The following SLC30A8 variants were observed in gnomAD, a reference collection of about 807,000 sequenced individuals.
SLC30A8 encodes solute carrier family 30 member 8, also known as proton-coupled zinc antiporter SLC30A8.
In SLC30A8, 27 loss-of-function variants were observed where a neutral mutation model predicts 36.9. The ratio of observed to expected loss-of-function variants is 0.73; its 90% CI spans 0.54 to 1.01. The LOEUF is 1.01. SLC30A8 is among the 50% of genes least tolerant of loss of function. SLC30A8 has a pLI of 0.00. For synonymous variants in SLC30A8, 164 were observed against 172.4 expected (o/e 0.95, Z 0.38); for missense variants, 439 against 452.0 (o/e 0.97, Z 0.26).
chr8:117,159,946 A>C (rs565946123), intron 4 of SLC30A8, among the ~76,000 whole-genome samples: 2 of 152,160 alleles, frequency 1.3e-5, no homozygotes, highest in Non-Finnish European at 1.5e-5. Flanking sequence ...TTAACATTGC[A>C]GGTGCTTTTT....
Position 116,996,643 on chromosome 8 carries a change from C to T in SLC30A8, c.-265-42576C>T, listed in dbSNP as rs150106784. Among the ~76,000 whole-genome samples the T allele has an allele frequency of 1.2e-4, 19 of 152,238 alleles. No homozygotes were observed. The East Asian group carries it at 3.5e-3, about 28-fold the overall frequency. On this transcript the variant is annotated intron_variant, in intron 1 of 10. Coordinates refer to the SLC30A8 transcript ENST00000427715. ...GGCCAGACAGAGACCTTATTCTTAT[C>T]CCGTGTAGGGCTTATAGGTCATCAC...
In SLC30A8 at chr8:117,022,512, C is replaced by T. The variant is rs1586409961; in HGVS notation, c.-265-16707C>T. 2.0e-5 allele frequency among the ~76,000 whole-genome samples: 3 copies of T among 152,276 alleles called. No individual in the cohort carries two copies. The East Asian group carries it at 5.8e-4, about 29-fold the overall frequency. On this transcript the variant is annotated intron_variant, in intron 1 of 10. Coordinates refer to the SLC30A8 transcript ENST00000427715. Reference sequence around the variant, plus strand: ...TAAATTAGAAGGAGACAATCTCATACTGGTACCAAAACAGAGATATAGACC... The same window carrying T: ...TAAATTAGAAGGAGACAATCTCATATTGGTACCAAAACAGAGATATAGACC...
chr8:116,997,489 AAATT>A (rs1458971084), intron 1 of SLC30A8, among the ~76,000 whole-genome samples: 1 of 149,832 alleles, frequency 6.7e-6, no homozygotes, highest in Non-Finnish European at 1.5e-5. Flanking sequence ...AGCTATTAGA[AAATT>A]AAATCAGTTT....
At chr8:116,980,144 T>G (rs189563833) in intron 1 of SLC30A8, among the ~76,000 whole-genome samples, 1 of 152,344 alleles carries the variant, frequency 6.6e-6, no homozygotes, top group Admixed American at 6.5e-5. Context: ...CTGCTGAAAT[T>G]TCAAATAAGT....
At chr8:116,957,072 C>T (rs1814234786) in intron 1 of SLC30A8, among the ~76,000 whole-genome samples, 1 of 152,038 alleles carries the variant, frequency 6.6e-6, no homozygotes, top group African/African-American at 2.4e-5. Flanking sequence ...AAGAAAGACC[C>T]TGTCAGGGTA....
At position 117,147,057 on chromosome 8, in the gene SLC30A8, C is replaced by T. The variant is rs769900402; in HGVS notation, c.175C>T (p.Pro59Ser). Residue 59 changes from proline (P) to serine (S), a missense_variant, in exon 2 of 8, where the codon CCC becomes TCC. By Grantham distance (74) the Pro-to-Ser change is moderately conservative (BLOSUM62 -1). Transcript: ENST00000456015. ...GTACCACTGCCACAGTGGCTCCAAG[C>T]CCACAGAAAAGGGGGCGAATGAGTA... is the stretch of plus-strand genomic sequence containing the variant. ...GMYHCHSGSK[P>S]TEKGANEYAY... The T allele has an allele frequency of 6.2e-7, 1 of 1,614,138 alleles. No individual in the cohort carries two copies. Among genetic ancestry groups the T allele is most frequent in the Admixed American group, 1.7e-5 (1 of 60,018 alleles).
At chr8:117,101,590 T>C (rs1819724715) in intron 2 of SLC30A8, among the ~76,000 whole-genome samples, 1 of 152,190 alleles carries the variant, frequency 6.6e-6, no homozygotes, top group Non-Finnish European at 1.5e-5. Context: ...TGCAAAGTAT[T>C]GTACCTGGGT....
At chr8:116,956,594 A>G (rs1354783939) in intron 1 of SLC30A8, among the ~76,000 whole-genome samples, 1 of 152,220 alleles carries the variant, frequency 6.6e-6, no homozygotes, top group Non-Finnish European at 1.5e-5. Flanking sequence ...GTGTATATCT[A>G]TATAATAGAA....
chr8:117,171,892 A>C (rs1823404168), intron 7 of SLC30A8, among the ~76,000 whole-genome samples: 1 of 152,136 alleles, frequency 6.6e-6, no homozygotes, highest in Admixed American at 6.6e-5. Flanking sequence ...AGTGACAGTC[A>C]TTTGAAAACT....
At chr8:117,056,644 A>G (rs1378611904) in intron 2 of SLC30A8, among the ~76,000 whole-genome samples, 1 of 152,200 alleles carries the variant, frequency 6.6e-6, no homozygotes, top group Admixed American at 6.5e-5. Flanking sequence ...AAGCCTGGTC[A>G]AGGAGGGTGT....
At position 117,172,911 on chromosome 8, in the gene SLC30A8, G is replaced by A; in HGVS notation, c.*230G>A. On this transcript the variant is annotated 3_prime_UTR_variant, in exon 8 of 8. Coordinates refer to ENST00000456015, the MANE Select transcript of SLC30A8 (RefSeq NM_173851.3). ...TAGCTGTGTTCAATTGCAGGAATGT[G>A]TATATAGATTATTCCTGAGTGGAGC... 1 of 545,966 alleles carries A rather than the reference G, an allele frequency of 1.8e-6. No homozygotes were observed. The highest frequency in any genetic ancestry group is 3.2e-6 in the Non-Finnish European group (1 of 309,614). The allele number at this position is 545,966 out of a possible 1,614,324, so 33.8% of individuals were successfully genotyped here.
At chr8:117,061,616 CCTT>C (rs1376458614) in intron 2 of SLC30A8, among the ~76,000 whole-genome samples, 1 of 152,086 alleles carries the variant, frequency 6.6e-6, no homozygotes, top group Non-Finnish European at 1.5e-5. Flanking sequence ...TGGACAATGA[CCTT>C]CTTCTAGTTT....
chr8:116,970,922 C>T (rs776087888), intron 1 of SLC30A8, among the ~76,000 whole-genome samples: 1 of 152,120 alleles, frequency 6.6e-6, no homozygotes, highest in Non-Finnish European at 1.5e-5. Flanking sequence ...TGGCGAAACC[C>T]CGTCTCTACT....
intron 1 of SLC30A8, among the ~76,000 whole-genome samples, chr8:117,139,129 A>G (rs1209682207): frequency 1.3e-5 from 2 of 152,102 alleles, no homozygotes; most frequent in Non-Finnish European, 2.9e-5. Context: ...ATTTGGCACT[A>G]GCCACAAAAT....
intron 1 of SLC30A8, among the ~76,000 whole-genome samples, chr8:117,016,800 A>G (rs1586402080): frequency 6.6e-6 from 1 of 152,282 alleles, no homozygotes; most frequent in Admixed American, 6.5e-5. Flanking sequence ...AGCATGAAAA[A>G]TAGTGATTCT....
At chr8:117,100,695 A>G (rs1819674748) in intron 2 of SLC30A8, among the ~76,000 whole-genome samples, 1 of 152,240 alleles carries the variant, frequency 6.6e-6, no homozygotes, top group Admixed American at 6.5e-5. Flanking sequence ...ACTTCAGTTC[A>G]ATCTCTAAGA....
At chr8:117,152,782 C>G (rs1056815940) in intron 2 of SLC30A8, among the ~76,000 whole-genome samples, 162 bp from the exon 3 acceptor site, 6 of 152,154 alleles carry the variant, frequency 3.9e-5, no homozygotes, top group African/African-American at 1.4e-4. Flanking sequence ...AATCATATCC[C>G]CTCTCTGAGT....
intron 2 of SLC30A8, among the ~76,000 whole-genome samples, chr8:117,122,275 T>C (rs1210149493): frequency 6.6e-6 from 1 of 151,988 alleles, no homozygotes; most frequent in Non-Finnish European, 1.5e-5. Context: ...TGACATCCTT[T>C]AATAATAGGT....
chr8:117,020,333 G>T (rs559708994), intron 1 of SLC30A8, among the ~76,000 whole-genome samples: 100 of 152,158 alleles, frequency 6.6e-4, no homozygotes, highest in Non-Finnish European at 9.9e-4. Flanking sequence ...ATTAACTATC[G>T]TTTTATTCAT....
Sources: gnomAD v4.1 joint callset for allele counts (sites outside exome capture counted in the v4.1 genomes callset) on GRCh38, gnomAD v4.1.1 for gene constraint, MANE v1.5 for transcripts, NCBI Gene and HGNC (gene_info 2026-07-23, HGNC 2026-07-21) for gene names.